The following UTRN variants were observed in gnomAD, a reference collection of about 807,000 sequenced individuals.
UTRN encodes utrophin, also known as dystrophin-related protein 1.
UTRN carries 283 observed loss-of-function variants against 463.9 expected under a neutral mutation model. The ratio of observed to expected loss-of-function variants is 0.61; its 90% CI spans 0.55 to 0.67. The LOEUF (loss-of-function observed/expected upper bound fraction) is 0.67. UTRN is among the 30% of genes least tolerant of loss of function. UTRN has a pLI of 0.00. For missense variants in UTRN, 3,922 were observed against 4,084.3 expected, an observed-to-expected ratio of 0.96 and a Z score of 1.08; for synonymous variants, 1,442 against 1,431.5, an observed-to-expected ratio of 1.01 and a Z score of -0.17.
Position 144,673,926 on chromosome 6 carries a change from T to A in UTRN, c.7480-4480T>A, listed in dbSNP as rs549757676. ...AAGCTTAGTTTCACTGGATGCAAAA[T>A]TCTTGGCTGATAGTTATTTTGTTTA... is the stretch of plus-strand genomic sequence containing the variant. On this transcript the variant is annotated intron_variant, in intron 51 of 74. Coordinates refer to ENST00000367545, the MANE Select transcript of UTRN (RefSeq NM_007124.3). 2.0e-5 allele frequency among the ~76,000 whole-genome samples: 3 copies of A among 152,308 alleles called. No individual in the cohort carries two copies. The East Asian group carries it at 5.8e-4, about 29-fold the overall frequency.
At chr6:144,301,813 C>T (rs772188202) in intron 2 of UTRN, among the ~76,000 whole-genome samples, 2 of 152,096 alleles carry the variant, frequency 1.3e-5, no homozygotes, top group African/African-American at 2.4e-5. Context: ...GGATTACAGG[C>T]GTGAGACACT....
At chr6:144,380,430 A>G (rs1333230595) in intron 2 of UTRN, among the ~76,000 whole-genome samples, 1 of 152,208 alleles carries the variant, frequency 6.6e-6, no homozygotes, top group Non-Finnish European at 1.5e-5. Context: ...AATCTTCCTT[A>G]ATAAATGGAA....
chr6:144,590,592 T>A (rs1342663077), intron 51 of UTRN, among the ~76,000 whole-genome samples: 3 of 152,162 alleles, frequency 2.0e-5, no homozygotes, highest in Non-Finnish European at 4.4e-5. Context: ...CTGTCATGCA[T>A]CAGAGATATG....
intron 46 of UTRN, among the ~76,000 whole-genome samples, chr6:144,543,780 A>T (rs1166974409): frequency 6.6e-6 from 1 of 151,178 alleles, no homozygotes; most frequent in Non-Finnish European, 1.5e-5. Flanking sequence ...TCCTCCCCTC[A>T]AGTTTTGAAA....
At chr6:144,599,202 T>C (rs537688288) in intron 51 of UTRN, among the ~76,000 whole-genome samples, 1 of 152,326 alleles carries the variant, frequency 6.6e-6, no homozygotes, top group Non-Finnish European at 1.5e-5. Context: ...ATGTATTTCC[T>C]GATATATACC....
chr6:144,626,680 C>T (rs1775975893), intron 51 of UTRN, among the ~76,000 whole-genome samples: 2 of 152,056 alleles, frequency 1.3e-5, no homozygotes, highest in African/African-American at 2.4e-5. Context: ...GCTCTGTCGC[C>T]CAGGCTAGAG....
At chr6:144,489,036 A>ATTTTATTTTC (rs1246787445) in intron 30 of UTRN, among the ~76,000 whole-genome samples, 1 of 150,994 alleles carries the variant, frequency 6.6e-6, no homozygotes, top group African/African-American at 2.4e-5. Context: ...AGTTTATTTT[A>ATTTTATTTTC]TTTTATTTTA....
chr6:144,508,996 G>T (rs1794940571), intron 34 of UTRN, among the ~76,000 whole-genome samples: 1 of 152,028 alleles, frequency 6.6e-6, no homozygotes, highest in Non-Finnish European at 1.5e-5. Context: ...TGCAGTTAAT[G>T]GGTTCCCTCT....
In UTRN at chr6:144,462,744, G is replaced by A. The variant is rs1789550530; in HGVS notation, c.2944G>A (p.Val982Ile). Reference sequence around the variant, plus strand: ...TCTGGAGAAAAATGTTCATCCTGATGTAGAAAAATTATATAAGCAAGAATT... The same window carrying A: ...TCTGGAGAAAAATGTTCATCCTGATATAGAAAAATTATATAAGCAAGAATT... Reference protein sequence around the residue: ...KALEKNVHPDVEKLYKQEFDD... With the variant: ...KALEKNVHPDIEKLYKQEFDD... The change falls in exon 23 of 75, where the codon GTA becomes ATA. Residue 982 changes from valine (V) to isoleucine (I), a missense_variant. Val to Ile is a conservative substitution (Grantham distance 29, BLOSUM62 3). Transcript: ENST00000367545. 1 of 1,611,900 alleles carries A rather than the reference G, an allele frequency of 6.2e-7. No individual in the cohort carries two copies. Among genetic ancestry groups the A allele is most frequent in the East Asian group, 2.2e-5 (1 of 44,856 alleles).
rs561336788 is a variant in UTRN at position 144,824,778 on chromosome 6, G to C, written c.9495-2570G>C. ...GCAGTATGTGAAGTTGGTGGTGGGGGGGGGTGTCCCCCCAGCGTTAAGAAT... is the reference window on the plus strand; with the variant it reads ...GCAGTATGTGAAGTTGGTGGTGGGGCGGGGTGTCCCCCCAGCGTTAAGAAT... On this transcript the variant is annotated intron_variant, in intron 66 of 74. Transcript: ENST00000367545. 6.8e-5 allele frequency among the ~76,000 whole-genome samples: 10 copies of C among 146,282 alleles called. No homozygotes were observed. The South Asian group carries it at 1.1e-3, about 16-fold the overall frequency.
intron 19 of UTRN, among the ~76,000 whole-genome samples, chr6:144,454,955 C>T (rs1318736450): frequency 6.6e-6 from 1 of 152,110 alleles, no homozygotes; most frequent in Non-Finnish European, 1.5e-5. Flanking sequence ...TAGTCACCTT[C>T]CTCCCTCCAG....
In UTRN at chr6:144,440,558, T is replaced by C. The variant is rs1584795494; in HGVS notation, c.1512+87T>C. ...TTGCCCTTGTTCTTCATGTCCTTTC[T>C]CATTCTTTATCCAGAAGGGTAGAAA... On this transcript the variant is annotated intron_variant, in intron 13 of 74. Coordinates refer to ENST00000367545, the MANE Select transcript of UTRN (RefSeq NM_007124.3). 3.2e-6 allele frequency: 5 copies of C among 1,561,896 alleles called. No individual in the cohort carries two copies. In the East Asian group the frequency reaches 1.1e-4, roughly 35 times the overall value.
chr6:144,564,982 A>C (rs1360219135), intron 50 of UTRN, among the ~76,000 whole-genome samples: 1 of 152,086 alleles, frequency 6.6e-6, no homozygotes, highest in Non-Finnish European at 1.5e-5. Context: ...TCTTATGTGG[A>C]TAATAGGTTG....
chr6:144,304,113 A>T (rs1341473107), intron 2 of UTRN, among the ~76,000 whole-genome samples: 1 of 152,232 alleles, frequency 6.6e-6, no homozygotes, highest in Non-Finnish European at 1.5e-5. Context: ...TTTTGGGAAT[A>T]GAAGAAAGAA....
At chr6:144,341,569 C>T (rs1293864806) in intron 2 of UTRN, among the ~76,000 whole-genome samples, 1 of 152,168 alleles carries the variant, frequency 6.6e-6, no homozygotes, top group Non-Finnish European at 1.5e-5. Flanking sequence ...TCTTCCTTGG[C>T]TACCTTCAAA....
At chr6:144,677,913 C>T (rs1283337897) in intron 51 of UTRN, among the ~76,000 whole-genome samples, 6 of 152,156 alleles carry the variant, frequency 3.9e-5, no homozygotes, top group African/African-American at 7.2e-5. Context: ...TGAGAAGTGA[C>T]TCTTTGAATC....
At chr6:144,322,081 T>G (rs1023786003) in intron 2 of UTRN, among the ~76,000 whole-genome samples, 1 of 152,226 alleles carries the variant, frequency 6.6e-6, no homozygotes, top group African/African-American at 2.4e-5. Context: ...ATCACTACCC[T>G]GGAGTAGTTC....
intron 51 of UTRN, among the ~76,000 whole-genome samples, chr6:144,587,202 C>CT (rs1455345563): frequency 6.6e-6 from 1 of 152,172 alleles, no homozygotes; most frequent in Non-Finnish European, 1.5e-5. Context: ...GCCTGGCCTT[C>CT]TAGGGGGCTT....
chr6:144,449,955 T>C (rs1788090462), intron 17 of UTRN, among the ~76,000 whole-genome samples: 1 of 152,168 alleles, frequency 6.6e-6, no homozygotes, highest in South Asian at 2.1e-4. Flanking sequence ...TGAGGATTCC[T>C]TGAGTTAATA....
Sources: gnomAD v4.1 joint callset for allele counts (sites outside exome capture counted in the v4.1 genomes callset) on GRCh38, gnomAD v4.1.1 for gene constraint, MANE v1.5 for transcripts, NCBI Gene and HGNC (gene_info 2026-07-23, HGNC 2026-07-21) for gene names.